The following SLIT1 variants were observed in gnomAD, a reference collection of about 807,000 sequenced individuals.
SLIT1 encodes the protein slit guidance ligand 1, also known as slit homolog 1 protein.
Under a neutral mutation model 186.1 loss-of-function variants are expected in SLIT1, and 66 were observed. The observed-to-expected ratio is 0.35, with a 90% confidence interval of 0.29 to 0.44. SLIT1 has a LOEUF of 0.44. Among genes scored for constraint, SLIT1 ranks in the 20% least tolerant of loss-of-function variants. The pLI, the probability that SLIT1 is intolerant of heterozygous loss-of-function variation, is 1.00. For missense variants in SLIT1, 1,638 were observed against 2,037.4 expected (o/e 0.80, Z 3.77); for synonymous variants, 761 against 833.8 (o/e 0.91, Z 1.50).
intron 4 of SLIT1, among the ~76,000 whole-genome samples, chr10:97,118,751 T>C (rs1361029609): frequency 6.6e-6 from 1 of 152,106 alleles, no homozygotes. Flanking sequence ...TTACTTAACC[T>C]CTCTGAACTA....
chr10:97,020,485 C>T (rs957326313), intron 26 of SLIT1, among the ~76,000 whole-genome samples: 2 of 152,266 alleles, frequency 1.3e-5, no homozygotes, highest in Admixed American at 6.5e-5. Context: ...TGACTTGCTC[C>T]CAACAGCCAA....
chr10:97,152,156 G>A (rs1238942305), intron 4 of SLIT1, among the ~76,000 whole-genome samples: 1 of 152,154 alleles, frequency 6.6e-6, no homozygotes, highest in Non-Finnish European at 1.5e-5. Flanking sequence ...CCTCAGCCCG[G>A]GCACTGACTG....
At chr10:97,030,969 G>T in intron 24 of SLIT1, 141 bp from the exon 25 acceptor site, 1 of 699,596 alleles carries the variant, frequency 1.4e-6, no homozygotes. Context: ...TGAAGGAGAT[G>T]GCCCCTAGCT....
chr10:97,080,592 A>G (rs572008461), intron 4 of SLIT1, among the ~76,000 whole-genome samples: 12 of 152,312 alleles, frequency 7.9e-5, no homozygotes, highest in African/African-American at 2.6e-4. Flanking sequence ...GAAGACTCCA[A>G]GCTCCACCAT....
At chr10:97,146,780 G>T (rs1156335246) in intron 4 of SLIT1, among the ~76,000 whole-genome samples, 1 of 152,168 alleles carries the variant, frequency 6.6e-6, no homozygotes, top group East Asian at 1.9e-4. Flanking sequence ...AGCAAGAAAT[G>T]GGCGGCGCCC....
chr10:97,141,770 TCGTAC>T, intron 4 of SLIT1, among the ~76,000 whole-genome samples: 2 of 148,828 alleles, frequency 1.3e-5, no homozygotes, highest in Non-Finnish European at 1.5e-5. Flanking sequence ...TCGTATTGTA[TCGTAC>T]TGTATTGTAT....
intron 22 of SLIT1, 43 bp downstream of exon 22, chr10:97,037,655 G>A (rs376355658): frequency 3.1e-5 from 47 of 1,499,140 alleles, no homozygotes; most frequent in Non-Finnish European, 3.0e-5. Context: ...CTGATGGTTA[G>A]ATGCCAAAGG....
At chr10:97,096,117 C>T (rs993793296) in intron 4 of SLIT1, among the ~76,000 whole-genome samples, 1 of 152,144 alleles carries the variant, frequency 6.6e-6, no homozygotes, top group Admixed American at 6.5e-5. Flanking sequence ...CCCTGGTGTG[C>T]CAGGCACTCT....
At chr10:97,095,665 C>T (rs1849280614) in intron 4 of SLIT1, among the ~76,000 whole-genome samples, 1 of 152,186 alleles carries the variant, frequency 6.6e-6, no homozygotes, top group Non-Finnish European at 1.5e-5. Flanking sequence ...AGAGAAGTAA[C>T]AGCTGCACTT....
Position 97,000,043 on chromosome 10 carries a change from G to T in SLIT1, c.*1069C>A, listed in dbSNP as rs930947691. The T allele has an allele frequency of 1.2e-4, 18 of 152,358 alleles. No individual in the cohort carries two copies. The highest frequency in any genetic ancestry group is 4.3e-4 in the African/African-American group (18 of 41,466). 9.4% of individuals were successfully genotyped at this position (152,358 alleles called of 1,614,324 possible). ...GCCCCCCACCTCTGGCCATTTTATAGCTGAAGAACCCAAGGCCCAGGTGGG... is the reference window on the plus strand; with the variant it reads ...GCCCCCCACCTCTGGCCATTTTATATCTGAAGAACCCAAGGCCCAGGTGGG... On this transcript the variant is annotated 3_prime_UTR_variant, in exon 37 of 37. Coordinates refer to ENST00000266058, the MANE Select transcript of SLIT1 (RefSeq NM_003061.3).
chr10:97,111,535 G>A (rs531330764), intron 4 of SLIT1, among the ~76,000 whole-genome samples: 3 of 152,284 alleles, frequency 2.0e-5, no homozygotes, highest in East Asian at 3.9e-4. Context: ...GTCTGTCCAC[G>A]CCTACAAAGA....
At chr10:97,026,836 C>T (rs1328433998) in intron 25 of SLIT1, among the ~76,000 whole-genome samples, 1 of 151,806 alleles carries the variant, frequency 6.6e-6, no homozygotes, top group East Asian at 1.9e-4. Flanking sequence ...ACAATCATTA[C>T]AGCATGTGTG....
intron 4 of SLIT1, among the ~76,000 whole-genome samples, chr10:97,071,781 G>A (rs111523803): frequency 2.6e-5 from 4 of 152,356 alleles, no homozygotes; most frequent in Admixed American, 6.5e-5. Flanking sequence ...AGTACAGCTG[G>A]TGTGGCACTC....
chr10:97,130,363 T>G (rs1849641707), intron 4 of SLIT1, among the ~76,000 whole-genome samples: 1 of 152,226 alleles, frequency 6.6e-6, no homozygotes, highest in Non-Finnish European at 1.5e-5. Flanking sequence ...GCAGCCTCAG[T>G]GTTCATCCAC....
chr10:97,095,628 T>C (rs1849280306), intron 4 of SLIT1, among the ~76,000 whole-genome samples: 1 of 152,148 alleles, frequency 6.6e-6, no homozygotes, highest in African/African-American at 2.4e-5. Context: ...TCCCCCTGGT[T>C]AGAAAAGCCA....
At chr10:97,175,469 T>C (rs1175796439) in intron 1 of SLIT1, among the ~76,000 whole-genome samples, 4 of 152,164 alleles carry the variant, frequency 2.6e-5, no homozygotes, top group Admixed American at 2.6e-4. Flanking sequence ...GGAACCGCCA[T>C]ACTGTTTTCC....
At chr10:97,054,164 T>C (rs1848815908) in intron 13 of SLIT1, among the ~76,000 whole-genome samples, 1 of 150,936 alleles carries the variant, frequency 6.6e-6, no homozygotes, top group Non-Finnish European at 1.5e-5. Context: ...TAAGAGTGGA[T>C]CCCTCATGAA....
intron 8 of SLIT1, among the ~76,000 whole-genome samples, chr10:97,062,363 G>A (rs1259661151): frequency 6.6e-6 from 1 of 152,196 alleles, no homozygotes; most frequent in African/African-American, 2.4e-5. Context: ...CTGTGCCTAG[G>A]AGATGCTTTC....
At chr10:97,099,858 G>A (rs1442697563) in intron 4 of SLIT1, among the ~76,000 whole-genome samples, 1 of 152,202 alleles carries the variant, frequency 6.6e-6, no homozygotes, top group African/African-American at 2.4e-5. Flanking sequence ...AGCCAGCCCA[G>A]GGCACACTAG....
Sources: gnomAD v4.1 joint callset for allele counts (sites outside exome capture counted in the v4.1 genomes callset) on GRCh38, gnomAD v4.1.1 for gene constraint, MANE v1.5 for transcripts, NCBI Gene and HGNC (gene_info 2026-07-23, HGNC 2026-07-21) for gene names.